ABCC12: variants seen among roughly 807,000 people sequenced by gnomAD.
The protein encoded by ABCC12 is ATP binding cassette subfamily C member 12, also known as ATP-binding cassette sub-family C member 12.
In ABCC12, 142 loss-of-function variants were observed where a neutral mutation model predicts 151.1. That is an observed-to-expected ratio of 0.94 (90% CI 0.82 to 1.08). The LOEUF is 1.08. Ranked by LOEUF, ABCC12 falls within the 50% of genes least tolerant of loss-of-function variation. The pLI is 0.00. For synonymous variants in ABCC12, 645 were observed against 646.4 expected, an observed-to-expected ratio of 1.00 and a Z score of 0.03; for missense variants, 1,638 against 1,691.1, an observed-to-expected ratio of 0.97 and a Z score of 0.55.
chr16:48,114,951 TC>T (rs1158330723), intron 15 of ABCC12, among the ~76,000 whole-genome samples: 1 of 152,112 alleles, frequency 6.6e-6, no homozygotes, highest in Admixed American at 6.6e-5. Flanking sequence ...CAAGCCCCTT[TC>T]CCCTGGGGTG....
chr16:48,133,666 C>T (rs772310814), intron 9 of ABCC12, 21 bp downstream of exon 9: 34 of 1,611,230 alleles, frequency 2.1e-5, no homozygotes, highest in South Asian at 2.0e-4. Flanking sequence ...GAAAGAGCCT[C>T]GATCTGGAGC....
chr16:48,133,987 G>T, intron 8 of ABCC12, 152 bp from the exon 9 acceptor site: 3 of 928,618 alleles, frequency 3.2e-6, no homozygotes, highest in Non-Finnish European at 4.7e-6. Flanking sequence ...AAAGCCCCGG[G>T]CACAAACCCA....
chr16:48,107,402 C>T lies in ABCC12; in HGVS notation c.2395G>A (p.Val799Met), dbSNP rs1409824556. Residue 799 changes from valine (V) to methionine (M), a missense_variant, in exon 20 of 31, where the codon GTG becomes ATG. Val to Met is a conservative substitution (Grantham distance 21, BLOSUM62 1). Transcript: ENST00000311303. ...CCAATCATCAGGAGGAAGAGGAACA[C>T]AGTGAAGAGAGAAAGGAGGTACCCT... ...SGGYLLSLFTVFLFLLMIGSA... is the reference protein window; with the variant it reads ...SGGYLLSLFTMFLFLLMIGSA... 6.2e-7 allele frequency: 1 copy of T among 1,614,044 alleles called. No individual in the cohort carries two copies. The highest frequency in any genetic ancestry group is 8.5e-7 in the Non-Finnish European group (1 of 1,180,044).
At chr16:48,089,352 C>T (rs1356840237) in intron 25 of ABCC12, among the ~76,000 whole-genome samples, 1 of 152,064 alleles carries the variant, frequency 6.6e-6, no homozygotes, top group Non-Finnish European at 1.5e-5. Context: ...GATATAATTT[C>T]AAAATCTGCA....
intron 6 of ABCC12, among the ~76,000 whole-genome samples, 170 bp from the exon 7 acceptor site, chr16:48,139,506 G>A (rs1297660307): frequency 1.1e-4 from 17 of 152,144 alleles, no homozygotes. Context: ...GTTCTGGTAC[G>A]ACTTTGGAGA....
chr16:48,130,230 T>C (rs1007549416), intron 10 of ABCC12, among the ~76,000 whole-genome samples: 2 of 152,250 alleles, frequency 1.3e-5, no homozygotes, highest in Non-Finnish European at 2.9e-5. Flanking sequence ...ATCCTTATCA[T>C]GTATAGAAAT....
intron 24 of ABCC12, among the ~76,000 whole-genome samples, chr16:48,095,829 T>C (rs1649032922): frequency 6.6e-6 from 1 of 152,288 alleles, no homozygotes; most frequent in Non-Finnish European, 1.5e-5. Flanking sequence ...ACAGAACACA[T>C]GAATAAAGAC....
At chr16:48,147,619 G>A (rs1965044260) in intron 2 of ABCC12, among the ~76,000 whole-genome samples, 1 of 152,142 alleles carries the variant, frequency 6.6e-6, no homozygotes, top group South Asian at 2.1e-4. Flanking sequence ...GGCCCAGAGA[G>A]AGGAAGGACT....
At chr16:48,141,478 C>G in intron 4 of ABCC12, 125 bp from the exon 5 acceptor site, 1 of 1,266,140 alleles carries the variant, frequency 7.9e-7, no homozygotes, top group South Asian at 1.4e-5. Flanking sequence ...TGGTGCCTTC[C>G]AGCACTGGCT....
At chr16:48,145,206 C>T (rs1964957541) in intron 3 of ABCC12, among the ~76,000 whole-genome samples, 1 of 152,130 alleles carries the variant, frequency 6.6e-6, no homozygotes, top group Non-Finnish European at 1.5e-5. Context: ...TGTCCTTGGC[C>T]CAGACAGAGA....
At chr16:48,148,010 C>T (rs188538790) in intron 2 of ABCC12, among the ~76,000 whole-genome samples, 121 of 152,196 alleles carry the variant, frequency 8.0e-4, no homozygotes, top group African/African-American at 2.6e-3. Flanking sequence ...TGCAGTGGTG[C>T]GATCTTGGCT....
intron 8 of ABCC12, 143 bp downstream of exon 8, chr16:48,138,085 G>T: frequency 1.2e-6 from 1 of 817,622 alleles, no homozygotes; most frequent in South Asian, 3.4e-5. Context: ...ATAATCCTTT[G>T]AAAAATTCTT....
intron 20 of ABCC12, among the ~76,000 whole-genome samples, 190 bp downstream of exon 20, chr16:48,107,132 C>A (rs1963519768): frequency 6.6e-6 from 1 of 152,128 alleles, no homozygotes; most frequent in East Asian, 1.9e-4. Flanking sequence ...CCCTGCTTGT[C>A]TTGAAAAATC....
chr16:48,127,287 A>G (rs563021321), intron 11 of ABCC12, among the ~76,000 whole-genome samples: 1 of 152,246 alleles, frequency 6.6e-6, no homozygotes, highest in South Asian at 2.1e-4. Context: ...CAAAATCAAC[A>G]CTGCCACCCT....
chr16:48,116,494 TG>T (rs1260398786), intron 14 of ABCC12, among the ~76,000 whole-genome samples: 2 of 152,114 alleles, frequency 1.3e-5, no homozygotes, highest in Non-Finnish European at 2.9e-5. Context: ...AGGATAGTGA[TG>T]TCACAGGAGC....
chr16:48,109,482 G>C (rs1010986739), intron 18 of ABCC12, among the ~76,000 whole-genome samples: 1 of 152,190 alleles, frequency 6.6e-6, no homozygotes, highest in Non-Finnish European at 1.5e-5. Flanking sequence ...CTCCAAAGCA[G>C]AATTATACAC....
At chr16:48,100,039 A>G (rs1354355578) in intron 23 of ABCC12, among the ~76,000 whole-genome samples, 1 of 150,870 alleles carries the variant, frequency 6.6e-6, no homozygotes, top group Non-Finnish European at 1.5e-5. Flanking sequence ...AGCTCACTGT[A>G]ACCTCTGCCT....
At chr16:48,088,957 A>T (rs781284645) in intron 25 of ABCC12, among the ~76,000 whole-genome samples, 1 of 152,242 alleles carries the variant, frequency 6.6e-6, no homozygotes, top group African/African-American at 2.4e-5. Context: ...ATATTGCAAT[A>T]GGATACAGAA....
At chr16:48,117,227 G>A in intron 14 of ABCC12, 34 bp downstream of exon 14, 1 of 1,597,672 alleles carries the variant, frequency 6.3e-7, no homozygotes, top group Non-Finnish European at 8.5e-7. Context: ...ACTGTGTGCA[G>A]CTACAGTGGG....
Sources: gnomAD v4.1 joint callset for allele counts (sites outside exome capture counted in the v4.1 genomes callset) on GRCh38, gnomAD v4.1.1 for gene constraint, MANE v1.5 for transcripts, NCBI Gene and HGNC (gene_info 2026-07-23, HGNC 2026-07-21) for gene names.